LRP1B: variants seen among roughly 807,000 people sequenced by gnomAD.
The protein encoded by LRP1B is low-density lipoprotein receptor-related protein 1B.
LRP1B carries 217 observed loss-of-function variants against 556.6 expected under a neutral mutation model. The ratio of observed to expected loss-of-function variants is 0.39; its 90% CI spans 0.35 to 0.44. LRP1B has a LOEUF of 0.44. Ranked by LOEUF, LRP1B falls within the 20% of genes least tolerant of loss-of-function variation. The pLI, the probability that LRP1B is intolerant of heterozygous loss-of-function variation, is 1.00. For synonymous variants in LRP1B, 2,047 were observed against 1,865.8 expected (o/e 1.10, Z -2.50); for missense variants, 5,053 against 5,620.8 (o/e 0.90, Z 3.23).
At chr2:140,626,648 T>A (rs2105265238) in intron 41 of LRP1B, among the ~76,000 whole-genome samples, 2 of 150,092 alleles carry the variant, frequency 1.3e-5, no homozygotes, top group South Asian at 4.2e-4. Flanking sequence ...AAGCCCAGAA[T>A]TCATTTACAA....
intron 1 of LRP1B, among the ~76,000 whole-genome samples, chr2:142,082,817 A>C (rs766604): frequency 0.95 from 144,143 of 152,238 alleles, 68,618 homozygotes; most frequent in Non-Finnish European, 1. Context: ...AAATAAAAAT[A>C]TTTAGGGTGT....
chr2:141,987,527 G>A (rs1029511898), intron 1 of LRP1B, among the ~76,000 whole-genome samples: 3 of 149,204 alleles, frequency 2.0e-5, no homozygotes, highest in African/African-American at 7.4e-5. Flanking sequence ...ACAGAAAACC[G>A]GTTGGGATGC....
At chr2:140,254,985 A>G (rs17385640) in intron 86 of LRP1B, among the ~76,000 whole-genome samples, 56,204 of 152,114 alleles carry the variant, frequency 0.37, 12,145 homozygotes, top group Non-Finnish European at 0.5. Flanking sequence ...TCTAGAAACT[A>G]CACTCTCAAA....
At chr2:141,564,321 T>C (rs950360997) in intron 2 of LRP1B, among the ~76,000 whole-genome samples, 1 of 152,144 alleles carries the variant, frequency 6.6e-6, no homozygotes, top group African/African-American at 2.4e-5. Flanking sequence ...ACTGGTGTTT[T>C]TATCTCTGAA....
intron 31 of LRP1B, among the ~76,000 whole-genome samples, chr2:140,835,909 C>G (rs982748109): frequency 6.6e-6 from 1 of 152,128 alleles, no homozygotes; most frequent in South Asian, 2.1e-4. Flanking sequence ...CAGTTGAATA[C>G]CTTTTTTGTC....
intron 27 of LRP1B, among the ~76,000 whole-genome samples, chr2:140,859,477 C>G (rs1203506134): frequency 3.3e-5 from 5 of 152,048 alleles, no homozygotes; most frequent in Middle Eastern, 3.4e-3. Context: ...TTTCTATAGA[C>G]ATATTTTTCT....
chr2:141,400,039 G>A (rs531171515), intron 3 of LRP1B, among the ~76,000 whole-genome samples: 1 of 152,054 alleles, frequency 6.6e-6, no homozygotes, highest in Non-Finnish European at 1.5e-5. Flanking sequence ...TGTCTGGAGC[G>A]CAGTGGGGTG....
chr2:141,153,655 T>C (rs1264510329), intron 7 of LRP1B, among the ~76,000 whole-genome samples: 3 of 144,196 alleles, frequency 2.1e-5, no homozygotes, highest in African/African-American at 5.1e-5. Context: ...TAGCTTTACA[T>C]ATCTATTTCT....
At chr2:140,290,496 T>C (rs900990211) in intron 84 of LRP1B, among the ~76,000 whole-genome samples, 5 of 152,096 alleles carry the variant, frequency 3.3e-5, no homozygotes, top group African/African-American at 7.2e-5. Context: ...AGTGTGAATG[T>C]TGTAAAGAAT....
At chr2:141,949,417 G>A (rs1467469071) in intron 1 of LRP1B, among the ~76,000 whole-genome samples, 4 of 152,052 alleles carry the variant, frequency 2.6e-5, no homozygotes, top group East Asian at 3.9e-4. Context: ...ATGGAGACAC[G>A]GTCTCGCTCT....
intron 7 of LRP1B, among the ~76,000 whole-genome samples, chr2:141,175,762 G>A (rs1328664448): frequency 6.6e-6 from 1 of 152,066 alleles, no homozygotes; most frequent in Non-Finnish European, 1.5e-5. Context: ...CGCCAGAATG[G>A]AAGATCTACC....
chr2:141,385,959 A>G (rs548607799), intron 3 of LRP1B, among the ~76,000 whole-genome samples: 1 of 152,294 alleles, frequency 6.6e-6, no homozygotes, highest in East Asian at 1.9e-4. Flanking sequence ...GTGTGAATAA[A>G]TGTAATAAAA....
intron 3 of LRP1B, among the ~76,000 whole-genome samples, chr2:141,362,383 G>A (rs1380925876): frequency 6.6e-6 from 1 of 152,188 alleles, no homozygotes; most frequent in Non-Finnish European, 1.5e-5. Context: ...GGGGCAATAG[G>A]AGGGCATCTG....
chr2:141,923,472 GTGTGTGTGTGTGTGT>G (rs1327495851), intron 1 of LRP1B, among the ~76,000 whole-genome samples: 3 of 122,628 alleles, frequency 2.4e-5, no homozygotes, highest in East Asian at 2.5e-4. Context: ...GTGTGTGTGT[GTGTGTGTGTGTGTGT>G]AGAGAGAGGG....
chr2:140,991,300 C>A (rs1697086231), intron 16 of LRP1B, among the ~76,000 whole-genome samples: 2 of 151,968 alleles, frequency 1.3e-5, no homozygotes, highest in South Asian at 4.2e-4. Context: ...TGGTATGGAG[C>A]CAAAACACTG....
chr2:141,674,664 T>G (rs1312474806), intron 2 of LRP1B, among the ~76,000 whole-genome samples: 1 of 152,046 alleles, frequency 6.6e-6, no homozygotes, highest in Non-Finnish European at 1.5e-5. Flanking sequence ...ATTTTCCTAT[T>G]GCTATCTTGT....
intron 3 of LRP1B, among the ~76,000 whole-genome samples, chr2:141,477,309 A>AG (rs1156787746): frequency 1.3e-5 from 2 of 151,836 alleles, no homozygotes; most frequent in Non-Finnish European, 2.9e-5. Flanking sequence ...AAAAAAAAAA[A>AG]AAAGAAAGAA....
chr2:141,895,602 T>C (rs570536909), intron 1 of LRP1B, among the ~76,000 whole-genome samples: 2 of 152,156 alleles, frequency 1.3e-5, no homozygotes, highest in African/African-American at 2.4e-5. Context: ...CTCACCATTT[T>C]TTTCCACCCA....
intron 18 of LRP1B, among the ~76,000 whole-genome samples, chr2:140,954,062 A>T (rs1695799868): frequency 1.3e-5 from 2 of 152,206 alleles, no homozygotes. Context: ...TTTATCAGAA[A>T]TGTGTCTCTA....
Sources: allele counts gnomAD v4.1 joint callset (sites outside exome capture counted in the v4.1 genomes callset), GRCh38; gene constraint gnomAD v4.1.1; transcripts MANE v1.5; gene names NCBI Gene and HGNC (gene_info 2026-07-23, HGNC 2026-07-21).